The following USP42 variants were observed in gnomAD, a reference collection of about 807,000 sequenced individuals.
USP42 encodes ubiquitin specific peptidase 42, also known as ubiquitin carboxyl-terminal hydrolase 42.
In USP42, 23 loss-of-function variants were observed where a neutral mutation model predicts 113.0. The ratio of observed to expected loss-of-function variants is 0.20; its 90% CI spans 0.15 to 0.29. The LOEUF (loss-of-function observed/expected upper bound fraction) is 0.29. Ranked by LOEUF, USP42 falls within the 10% of genes least tolerant of loss-of-function variation. USP42 has a pLI of 1.00. For missense variants in USP42, 2,174 were observed against 1,779.8 expected (o/e 1.22, Z -3.99); for synonymous variants, 933 against 699.0 (o/e 1.33, Z -5.28).
At chr7:6,107,173 A>T (rs1275482301) in intron 1 of USP42, among the ~76,000 whole-genome samples, 1 of 152,112 alleles carries the variant, frequency 6.6e-6, no homozygotes, top group Non-Finnish European at 1.5e-5. Context: ...GTTAATGATG[A>T]CTTGAATTGT....
chr7:6,116,369 G>T (rs73675827), intron 3 of USP42: 1,693 of 165,856 alleles, frequency 0.01, 33 homozygotes, highest in African/African-American at 0.038. Context: ...TTAGATGGAA[G>T]CCAACTCAGT....
chr7:6,092,039 T>C, the USP42 span, among the ~76,000 whole-genome samples: 3 of 101,880 alleles, frequency 2.9e-5, no homozygotes, highest in African/African-American at 1.1e-4. Context: ...CTTCTTCTTC[T>C]TCTTCTTCTT....
chr7:6,108,604 C>T (rs932947685), intron 1 of USP42, among the ~76,000 whole-genome samples: 1 of 152,088 alleles, frequency 6.6e-6, no homozygotes, highest in Non-Finnish European at 1.5e-5. Context: ...CCTCAGCTTC[C>T]CGAGTAGCTG....
At chr7:6,140,352 T>C (rs962608475) in intron 6 of USP42, among the ~76,000 whole-genome samples, 157 bp downstream of exon 6, 1 of 152,152 alleles carries the variant, frequency 6.6e-6, no homozygotes, top group Non-Finnish European at 1.5e-5. Context: ...CGGTGCCAGG[T>C]TGTAGTAAAT....
At chr7:6,134,754 G>A (rs913094322) in intron 3 of USP42, among the ~76,000 whole-genome samples, 3 of 152,146 alleles carry the variant, frequency 2.0e-5, no homozygotes, top group South Asian at 2.1e-4. Flanking sequence ...CAACGCCAGA[G>A]TATTTACACA....
In USP42 at chr7:6,155,051, G is replaced by A. The variant is rs867500335; in HGVS notation, c.3497G>A (p.Ser1166Asn). 6.4e-7 allele frequency: 1 copy of A among 1,563,480 alleles called. No homozygotes were observed. The highest frequency in any genetic ancestry group is 8.7e-7 in the Non-Finnish European group (1 of 1,153,874). The part of the protein sequence containing the change: ...NGKSRKRRHD[S>N]VENSDSHVEK... ...AAGTCCCGGAAACGGAGACACGACA[G>A]TGTGGAGAACAGTGACAGTCATGTT... Residue 1166 changes from serine to asparagine, a missense_variant, in exon 15 of 18, where the codon AGT (serine) becomes AAT (asparagine). Ser to Asn is a conservative substitution (Grantham distance 46, BLOSUM62 1). Coordinates refer to ENST00000306177, the MANE Select transcript of USP42 (RefSeq NM_032172.3).
rs1221444152 is a variant in USP42, at chr7:6,160,915, A to C, written c.*397A>C. The C allele has an allele frequency of 6.6e-6, 1 of 152,662 alleles. No individual in the cohort carries two copies. The highest frequency in any genetic ancestry group is 2.4e-5 in the African/African-American group (1 of 41,472). The allele number at this position is 152,662 out of a possible 1,614,324, so 9.5% of individuals were successfully genotyped here. ...CCAACCGGGAGACCATGGAATTGTC[A>C]AAAGTACAAACTGACAGTGTGTATA... On this transcript the variant is annotated 3_prime_UTR_variant, in exon 18 of 18. Coordinates refer to ENST00000306177, the MANE Select transcript of USP42 (RefSeq NM_032172.3).
chr7:6,117,715 GTCT>G (rs1377353129), intron 3 of USP42, among the ~76,000 whole-genome samples: 1 of 152,188 alleles, frequency 6.6e-6, no homozygotes, highest in East Asian at 1.9e-4. Flanking sequence ...GGTGGGGTCA[GTCT>G]TCTTCAGTTT....
At chr7:6,126,560 C>T (rs1583616097) in intron 3 of USP42, among the ~76,000 whole-genome samples, 1 of 152,206 alleles carries the variant, frequency 6.6e-6, no homozygotes, top group African/African-American at 2.4e-5. Context: ...GCTGGGATTA[C>T]AGGCATGAGC....
rs143652007 is a variant in USP42, at chr7:6,129,087, C to A, written c.443-6754C>A. 3.1e-3 allele frequency among the ~76,000 whole-genome samples: 479 copies of A among 152,288 alleles called. 3 individuals carry two copies. Among genetic ancestry groups the A allele is most frequent in the African/African-American group, 0.011 (466 of 41,574 alleles). On this transcript the variant is annotated intron_variant, in intron 3 of 17. Coordinates refer to ENST00000306177, the MANE Select transcript of USP42 (RefSeq NM_032172.3). ...TCAGGCTCACACAATGCTGGGATTA[C>A]AGGCGTGTGCCACTGGGCCTGTAGC...
chr7:6,095,111 T>C, the USP42 span, among the ~76,000 whole-genome samples: 2 of 151,372 alleles, frequency 1.3e-5, no homozygotes, highest in South Asian at 4.1e-4. Flanking sequence ...TGTGCTACAA[T>C]AGCTCTTAAT....
intron 1 of USP42, among the ~76,000 whole-genome samples, chr7:6,110,318 G>A (rs1378432638): frequency 6.6e-6 from 1 of 152,082 alleles, no homozygotes; most frequent in African/African-American, 2.4e-5. Flanking sequence ...TAGGCCCTGG[G>A]GATTCTGTCT....
In USP42 at chr7:6,153,955, C is replaced by A; in HGVS notation, c.2401C>A (p.Pro801Thr). ...GGCCATGGCCGTCGCCCCCGAGGAG[C>A]CTCCGCCCAGCGCCGGCGAGGACAT... Reference protein sequence around the residue: ...WEAMAVAPEEPPPSAGEDIVG... With the variant: ...WEAMAVAPEETPPSAGEDIVG... The change falls in exon 15 of 18, where the codon CCT (proline) becomes ACT (threonine). Residue 801 changes from proline to threonine, a missense_variant. Pro to Thr is a conservative substitution (Grantham distance 38). Coordinates refer to ENST00000306177, the MANE Select transcript of USP42 (RefSeq NM_032172.3). 1 of 1,596,488 alleles carries A rather than the reference C, an allele frequency of 6.3e-7. No homozygotes were observed. The highest frequency in any genetic ancestry group is 8.5e-7 in the Non-Finnish European group (1 of 1,173,940).
intron 10 of USP42, 40 bp downstream of exon 10, chr7:6,145,696 A>G (rs531297082): frequency 2.6e-5 from 41 of 1,590,528 alleles, no homozygotes; most frequent in Admixed American, 2.0e-4. Flanking sequence ...TGTTACATAC[A>G]TGCTATAAGA....
Position 6,150,110 on chromosome 7 carries a change from C to A in USP42, c.1914C>A (p.Gly638=), listed in dbSNP as rs1171410044. The A allele has an allele frequency of 1.9e-6, 3 of 1,612,222 alleles. No homozygotes were observed. Among genetic ancestry groups the A allele is most frequent in the Non-Finnish European group, 2.5e-6 (3 of 1,179,130 alleles). ...IGTIVSSHSP[G]QDAEDEEATP... ...CGATTGTGAGCTCCCACTCTCCCGG[C>A]CAAGATGCCGAAGATGAGGAGGCCA... Residue 638 remains glycine, a synonymous_variant, in exon 13 of 18, where the codon GGC becomes GGA. Coordinates refer to ENST00000306177, the MANE Select transcript of USP42 (RefSeq NM_032172.3).
the USP42 span, among the ~76,000 whole-genome samples, chr7:6,091,856 G>A: frequency 2.0e-5 from 3 of 150,526 alleles, no homozygotes; most frequent in East Asian, 5.8e-4. Flanking sequence ...CAAATAGCTG[G>A]GACTACAGGG....
upstream of USP42, among the ~76,000 whole-genome samples, chr7:6,102,861 T>C (rs888135811): frequency 6.6e-6 from 1 of 151,112 alleles, no homozygotes; most frequent in Non-Finnish European, 1.5e-5. Context: ...TGACGGTTTT[T>C]GGAAGACCAC....
intron 3 of USP42, among the ~76,000 whole-genome samples, chr7:6,132,949 G>A (rs903611274): frequency 6.6e-6 from 1 of 152,206 alleles, no homozygotes; most frequent in Non-Finnish European, 1.5e-5. Context: ...GGGATTACAG[G>A]CGTGAGCCAC....
intron 15 of USP42, 113 bp from the exon 16 acceptor site, chr7:6,156,641 G>A: frequency 7.1e-7 from 1 of 1,409,012 alleles, no homozygotes; most frequent in Non-Finnish European, 9.2e-7. Context: ...TAAGAATTGT[G>A]CGTGTCTGCA....
Sources: gnomAD v4.1 joint callset for allele counts (sites outside exome capture counted in the v4.1 genomes callset) on GRCh38, gnomAD v4.1.1 for gene constraint, MANE v1.5 for transcripts, NCBI Gene and HGNC (gene_info 2026-07-23, HGNC 2026-07-21) for gene names.